The following TENM3 variants were observed in gnomAD, a reference collection of about 807,000 sequenced individuals.
TENM3 encodes teneurin-3.
Under a neutral mutation model 255.1 loss-of-function variants are expected in TENM3, and 63 were observed. That is an observed-to-expected ratio of 0.25 (90% CI 0.20 to 0.30). The LOEUF is 0.30. Among genes scored for constraint, TENM3 ranks in the 10% least tolerant of loss-of-function variants. The probability of loss-of-function intolerance (pLI) is 1.00; values close to 1 mark genes in which losing one functional copy is unlikely to be tolerated. For missense variants in TENM3, 2,929 were observed against 3,461.1 expected, an observed-to-expected ratio of 0.85 and a Z score of 3.86; for synonymous variants, 1,306 against 1,322.3, an observed-to-expected ratio of 0.99 and a Z score of 0.27.
At chr4:181,941,817 C>T in the TENM3 span, among the ~76,000 whole-genome samples, 1 of 152,092 alleles carries the variant, frequency 6.6e-6, no homozygotes, top group Non-Finnish European at 1.5e-5. Flanking sequence ...CCTGCCAGCT[C>T]CAGTTGTTTC....
intron 3 of TENM3, among the ~76,000 whole-genome samples, chr4:182,573,552 A>G (rs1744616584): frequency 6.6e-6 from 1 of 152,148 alleles, no homozygotes; most frequent in Non-Finnish European, 1.5e-5. Context: ...ATTACAAGGA[A>G]ATGTTGAAAA....
the TENM3 span, among the ~76,000 whole-genome samples, chr4:181,657,980 C>G: frequency 6.6e-6 from 1 of 151,910 alleles, no homozygotes; most frequent in African/African-American, 2.4e-5. Context: ...ACACTGCGGA[C>G]TCTAAAAGGA....
chr4:182,018,583 A>G, the TENM3 span, among the ~76,000 whole-genome samples: 243 of 152,254 alleles, frequency 1.6e-3, 2 homozygotes, highest in African/African-American at 5.5e-3. Context: ...GAGAATAATA[A>G]TATTTATCTA....
At chr4:182,387,212 T>G (rs953662266) in intron 3 of TENM3, among the ~76,000 whole-genome samples, 3 of 152,150 alleles carry the variant, frequency 2.0e-5, no homozygotes, top group African/African-American at 7.2e-5. Context: ...TGTATCTAGC[T>G]CAAGGTTTGT....
chr4:182,460,701 AAG>A (rs1774264124), intron 3 of TENM3, among the ~76,000 whole-genome samples: 1 of 152,196 alleles, frequency 6.6e-6, no homozygotes, highest in South Asian at 2.1e-4. Context: ...TCATAAATGT[AAG>A]AGCACAAACC....
intron 3 of TENM3, among the ~76,000 whole-genome samples, chr4:182,399,149 T>C (rs1315146150): frequency 6.6e-6 from 1 of 152,186 alleles, no homozygotes; most frequent in Non-Finnish European, 1.5e-5. Flanking sequence ...TAGAGCTAAG[T>C]GGTACCTAAA....
chr4:182,721,229 A>T (rs75256982), intron 13 of TENM3, among the ~76,000 whole-genome samples: 2,625 of 152,268 alleles, frequency 0.017, 93 homozygotes, highest in South Asian at 0.14. Flanking sequence ...GTTTTATTAG[A>T]AGTCGTGGTA....
At chr4:181,708,443 T>C in the TENM3 span, among the ~76,000 whole-genome samples, 2 of 152,286 alleles carry the variant, frequency 1.3e-5, no homozygotes, top group South Asian at 2.1e-4. Flanking sequence ...GAAAACCTAG[T>C]TGAATAAATT....
At chr4:182,540,680 G>C (rs565330206) in intron 3 of TENM3, among the ~76,000 whole-genome samples, 3 of 152,220 alleles carry the variant, frequency 2.0e-5, no homozygotes, top group East Asian at 3.9e-4. Flanking sequence ...TGGTGTCAGC[G>C]GTGTTGAGTA....
the TENM3 span, among the ~76,000 whole-genome samples, chr4:181,664,564 G>A: frequency 1.3e-5 from 2 of 152,188 alleles, no homozygotes; most frequent in African/African-American, 4.8e-5. Flanking sequence ...TGCTTAGAAC[G>A]ATAACCCGAC....
chr4:182,338,876 T>C (rs904241411), intron 2 of TENM3, among the ~76,000 whole-genome samples: 1 of 152,226 alleles, frequency 6.6e-6, no homozygotes, highest in African/African-American at 2.4e-5. Flanking sequence ...AAAATGCTTT[T>C]AATTTTAAAG....
chr4:182,498,129 C>T (rs1279711815), intron 3 of TENM3, among the ~76,000 whole-genome samples: 5 of 151,966 alleles, frequency 3.3e-5, no homozygotes, highest in African/African-American at 1.2e-4. Flanking sequence ...TCTTCATTAG[C>T]ATATAGATGC....
chr4:182,347,046 C>T (rs774049697), intron 3 of TENM3, 117 bp downstream of exon 3: 16 of 911,636 alleles, frequency 1.8e-5, no homozygotes, highest in Non-Finnish European at 2.4e-5. Flanking sequence ...CTTTCTCTCT[C>T]TTTCTTGTCC....
At chr4:181,713,296 G>T in the TENM3 span, among the ~76,000 whole-genome samples, 1 of 152,184 alleles carries the variant, frequency 6.6e-6, no homozygotes, top group East Asian at 1.9e-4. Context: ...GAAATGGGAG[G>T]CATGGACTTA....
the TENM3 span, among the ~76,000 whole-genome samples, chr4:181,881,183 C>T: frequency 1.3e-5 from 2 of 152,084 alleles, no homozygotes; most frequent in South Asian, 4.1e-4. Flanking sequence ...ATTCCCTGCC[C>T]ACCTGATTAC....
At chr4:182,569,815 T>G (rs1439655144) in intron 3 of TENM3, among the ~76,000 whole-genome samples, 1 of 152,178 alleles carries the variant, frequency 6.6e-6, no homozygotes, top group East Asian at 1.9e-4. Context: ...ATTTGATAAC[T>G]GCTAGTTAGG....
chr4:182,128,368 G>A, the TENM3 span, among the ~76,000 whole-genome samples: 36 of 151,730 alleles, frequency 2.4e-4, no homozygotes, highest in Non-Finnish European at 4.4e-4. Flanking sequence ...TTTAAGAGAC[G>A]GGTCTTGCTA....
At chr4:181,631,783 G>T in the TENM3 span, among the ~76,000 whole-genome samples, 3,388 of 152,260 alleles carry the variant, frequency 0.022, 61 homozygotes, top group Admixed American at 0.059. Flanking sequence ...ATTACACAGG[G>T]CATGTACACC....
intron 3 of TENM3, among the ~76,000 whole-genome samples, chr4:182,361,131 CTT>C (rs1765946067): frequency 6.6e-6 from 1 of 152,100 alleles, no homozygotes; most frequent in Non-Finnish European, 1.5e-5. Flanking sequence ...GTAACCCGAC[CTT>C]TCTCTCTGGC....
Sources: gnomAD v4.1 joint callset for allele counts (sites outside exome capture counted in the v4.1 genomes callset) on GRCh38, gnomAD v4.1.1 for gene constraint, MANE v1.5 for transcripts, NCBI Gene and HGNC (gene_info 2026-07-23, HGNC 2026-07-21) for gene names.